Variants in TENM3 observed in about 807,000 individuals in gnomAD.
TENM3 encodes the protein teneurin-3.
Under a neutral mutation model 255.1 loss-of-function variants are expected in TENM3, and 63 were observed. The observed-to-expected ratio is 0.25, with a 90% CI of 0.20 to 0.30. TENM3 has a LOEUF of 0.30. Among genes scored for constraint, TENM3 ranks in the 10% least tolerant of loss-of-function variants. The pLI, the probability that TENM3 is intolerant of heterozygous loss-of-function variation, is 1.00. For missense variants in TENM3, 2,929 were observed against 3,461.1 expected (o/e 0.85, Z 3.86); for synonymous variants, 1,306 against 1,322.3 (o/e 0.99, Z 0.27).
chr4:182,089,388 G>A, the TENM3 span, among the ~76,000 whole-genome samples: 1 of 152,156 alleles, frequency 6.6e-6, no homozygotes, highest in African/African-American at 2.4e-5. Context: ...AAAGGTAAGA[G>A]AAAGAGACTT....
intron 3 of TENM3, among the ~76,000 whole-genome samples, chr4:182,559,123 C>A (rs1463377665): frequency 7.7e-6 from 1 of 129,992 alleles, no homozygotes; most frequent in Non-Finnish European, 1.6e-5. Context: ...CTTTATTCCT[C>A]GGGATTTTTT....
the TENM3 span, among the ~76,000 whole-genome samples, chr4:181,858,523 T>G: frequency 6.6e-6 from 1 of 152,090 alleles, no homozygotes; most frequent in Non-Finnish European, 1.5e-5. Context: ...CTAAAAATGG[T>G]AGGAGACACA....
intron 12 of TENM3, among the ~76,000 whole-genome samples, chr4:182,695,489 T>C (rs568004056): frequency 6.6e-6 from 1 of 152,150 alleles, no homozygotes; most frequent in Non-Finnish European, 1.5e-5. Flanking sequence ...ATAAGGAGAA[T>C]TTGATCTGGG....
At chr4:181,624,838 T>C in the TENM3 span, among the ~76,000 whole-genome samples, 6 of 152,312 alleles carry the variant, frequency 3.9e-5, no homozygotes, top group South Asian at 2.1e-4. Context: ...AGTTGTGTGG[T>C]GCAGGAAAGG....
At chr4:181,957,408 A>G in the TENM3 span, among the ~76,000 whole-genome samples, 1 of 152,222 alleles carries the variant, frequency 6.6e-6, no homozygotes, top group Non-Finnish European at 1.5e-5. Flanking sequence ...AATTAAGGTC[A>G]AATCCCAGTG....
At chr4:181,535,540 T>A in the TENM3 span, among the ~76,000 whole-genome samples, 6 of 152,122 alleles carry the variant, frequency 3.9e-5, no homozygotes, top group Non-Finnish European at 7.4e-5. Flanking sequence ...TCACATCACC[T>A]CTCTGCTCAA....
the TENM3 span, among the ~76,000 whole-genome samples, chr4:181,712,411 C>T: frequency 6.6e-6 from 1 of 152,222 alleles, no homozygotes; most frequent in Admixed American, 6.5e-5. Context: ...GCTCTCACTC[C>T]TGCCGTTTGA....
intron 12 of TENM3, among the ~76,000 whole-genome samples, chr4:182,699,410 T>G (rs527493519): frequency 6.6e-6 from 1 of 152,340 alleles, no homozygotes; most frequent in East Asian, 1.9e-4. Flanking sequence ...TCGTGTTTGT[T>G]TCCCACTGTG....
the TENM3 span, among the ~76,000 whole-genome samples, chr4:181,761,504 G>GA: frequency 1.5e-3 from 226 of 149,822 alleles, no homozygotes; most frequent in Non-Finnish European, 2.3e-3. Flanking sequence ...GGGCTTACTG[G>GA]AAAAAAAAAT....
At chr4:181,519,165 CTG>C in the TENM3 span, among the ~76,000 whole-genome samples, 1 of 152,184 alleles carries the variant, frequency 6.6e-6, no homozygotes, top group Non-Finnish European at 1.5e-5. Context: ...CACCTCCTAA[CTG>C]TGAAAACTTA....
the TENM3 span, among the ~76,000 whole-genome samples, chr4:181,704,545 TC>T: frequency 1.3e-5 from 2 of 152,216 alleles, no homozygotes; most frequent in Non-Finnish European, 2.9e-5. Flanking sequence ...TTATTTTTTT[TC>T]ATTCTGGTAG....
chr4:182,491,183 A>G (rs960061959), intron 3 of TENM3, among the ~76,000 whole-genome samples: 1 of 152,194 alleles, frequency 6.6e-6, no homozygotes, highest in African/African-American at 2.4e-5. Flanking sequence ...AGTAAACGTT[A>G]AGGCAAAAAA....
chr4:181,645,156 A>G, the TENM3 span, among the ~76,000 whole-genome samples: 1 of 152,224 alleles, frequency 6.6e-6, no homozygotes, highest in African/African-American at 2.4e-5. Flanking sequence ...AGGGCGAAAA[A>G]TGAAATCGAT....
the TENM3 span, among the ~76,000 whole-genome samples, chr4:181,951,573 A>T: frequency 6.6e-6 from 1 of 152,234 alleles, no homozygotes; most frequent in South Asian, 2.1e-4. Context: ...ACACTTCAGG[A>T]TCATGGCAGC....
At chr4:182,092,808 C>T in the TENM3 span, among the ~76,000 whole-genome samples, 25,803 of 152,082 alleles carry the variant, frequency 0.17, 2,308 homozygotes, top group Non-Finnish European at 0.2. Flanking sequence ...TAATGTAGTT[C>T]ACTAAAATTT....
chr4:181,670,995 A>C, the TENM3 span, among the ~76,000 whole-genome samples: 1 of 152,222 alleles, frequency 6.6e-6, no homozygotes, highest in Non-Finnish European at 1.5e-5. Flanking sequence ...CACTATAAAG[A>C]ATACATATTT....
the TENM3 span, among the ~76,000 whole-genome samples, chr4:181,589,792 A>G: frequency 1.3e-5 from 2 of 152,202 alleles, no homozygotes; most frequent in African/African-American, 4.8e-5. Flanking sequence ...AGACTAGATG[A>G]TGGGTGATTT....
At chr4:182,063,330 C>T in the TENM3 span, among the ~76,000 whole-genome samples, 189 of 152,240 alleles carry the variant, frequency 1.2e-3, no homozygotes, top group African/African-American at 4.3e-3. Context: ...TCTATATGGA[C>T]CTATCATGAA....
Position 182,346,634 on chromosome 4 carries a change from T to C in TENM3, c.233-17T>C, listed in dbSNP as rs1182638870. ...ACATATACTCACTAGTTGTTATCTTTTTTTCCCCCTAATTAGGACAGAATT... is the reference window on the plus strand; with the variant it reads ...ACATATACTCACTAGTTGTTATCTTCTTTTCCCCCTAATTAGGACAGAATT... On this transcript the variant is annotated splice_polypyrimidine_tract_variant and intron_variant, in intron 2 of 27. Transcript: ENST00000511685. 2 of 1,610,342 alleles carry C rather than the reference T, an allele frequency of 1.2e-6. No individual in the cohort carries two copies. Among genetic ancestry groups the C allele is most frequent in the Admixed American group, 1.7e-5 (1 of 59,710 alleles).
Sources: allele counts gnomAD v4.1 joint callset (sites outside exome capture counted in the v4.1 genomes callset), GRCh38; gene constraint gnomAD v4.1.1; transcripts MANE v1.5; gene names NCBI Gene and HGNC (gene_info 2026-07-23, HGNC 2026-07-21).